CNTNAP2: variants seen among roughly 807,000 people sequenced by gnomAD.
CNTNAP2 encodes contactin-associated protein-like 2.
In CNTNAP2, 98 loss-of-function variants were observed where a neutral mutation model predicts 155.2. The observed-to-expected ratio is 0.63, with a 90% CI of 0.54 to 0.75. The LOEUF (loss-of-function observed/expected upper bound fraction) is 0.75, where lower values mean the gene tolerates loss of function less well. Among genes scored for constraint, CNTNAP2 ranks in the 30% least tolerant of loss-of-function variants. CNTNAP2 has a pLI of 0.00. For synonymous variants in CNTNAP2, 651 were observed against 631.2 expected (o/e 1.03, Z -0.47); for missense variants, 1,727 against 1,688.1 (o/e 1.02, Z -0.40).
At chr7:146,883,761 C>G (rs1795600687) in intron 3 of CNTNAP2, among the ~76,000 whole-genome samples, 1 of 152,046 alleles carries the variant, frequency 6.6e-6, no homozygotes, top group Admixed American at 6.6e-5. Flanking sequence ...TTGATCAAAA[C>G]ACTATTTTAG....
At chr7:147,887,740 G>A (rs1033193386) in intron 13 of CNTNAP2, among the ~76,000 whole-genome samples, 6 of 151,986 alleles carry the variant, frequency 3.9e-5, no homozygotes, top group African/African-American at 1.2e-4. Flanking sequence ...AAAATCCAGG[G>A]GGTTAGACTC....
chr7:147,236,195 G>A (rs1247490628), intron 8 of CNTNAP2, among the ~76,000 whole-genome samples: 4 of 152,152 alleles, frequency 2.6e-5, no homozygotes, highest in African/African-American at 7.2e-5. Context: ...CTGCAGGGAC[G>A]CTGTCTTCAC....
chr7:146,713,416 A>T lies in CNTNAP2; in HGVS notation c.98-60855A>T, dbSNP rs184168620. ...GTAGCTTGCTTCTTAATGGGAAATG[A>T]TTCAGCTTGTCCCCTTCTTTGTCAT... On this transcript the variant is annotated intron_variant, in intron 1 of 23. Transcript: ENST00000361727. Among the ~76,000 whole-genome samples the T allele has an allele frequency of 2.1e-3, 315 of 152,220 alleles. 2 individuals are homozygous for T. The highest frequency in any genetic ancestry group is 5.3e-3 in the African/African-American group (222 of 41,554).
intron 1 of CNTNAP2, among the ~76,000 whole-genome samples, chr7:146,680,906 T>C (rs911723266): frequency 1.3e-5 from 2 of 152,146 alleles, no homozygotes; most frequent in Non-Finnish European, 2.9e-5. Context: ...TGTGTGAAGG[T>C]GTTACAAGAG....
chr7:148,288,168 T>C (rs1219404913), intron 21 of CNTNAP2, among the ~76,000 whole-genome samples: 2 of 151,096 alleles, frequency 1.3e-5, no homozygotes, highest in Non-Finnish European at 2.9e-5. Context: ...GGCACAATCT[T>C]GGCTCACTGC....
intron 13 of CNTNAP2, among the ~76,000 whole-genome samples, chr7:147,821,339 T>G (rs951176882): frequency 1.1e-4 from 16 of 152,174 alleles, no homozygotes; most frequent in Non-Finnish European, 2.2e-4. Flanking sequence ...GCCTTGAAAT[T>G]TTTAATATCT....
chr7:146,793,808 T>G (rs904509911), intron 2 of CNTNAP2, among the ~76,000 whole-genome samples: 1 of 152,178 alleles, frequency 6.6e-6, no homozygotes, highest in Admixed American at 6.5e-5. Flanking sequence ...GAAGTATATG[T>G]TAGAGTTAAT....
intron 13 of CNTNAP2, among the ~76,000 whole-genome samples, chr7:147,864,668 G>A (rs951045859): frequency 2.0e-5 from 3 of 152,052 alleles, no homozygotes; most frequent in African/African-American, 7.2e-5. Flanking sequence ...GGATTCCTGG[G>A]TATTTTATTT....
At chr7:147,688,931 G>C (rs932377395) in intron 13 of CNTNAP2, among the ~76,000 whole-genome samples, 1 of 152,120 alleles carries the variant, frequency 6.6e-6, no homozygotes, top group Non-Finnish European at 1.5e-5. Context: ...ATACTACCAA[G>C]GGGTCACTCA....
intron 3 of CNTNAP2, among the ~76,000 whole-genome samples, chr7:147,013,778 A>C (rs1395875178): frequency 2.0e-5 from 3 of 152,098 alleles, no homozygotes; most frequent in African/African-American, 7.2e-5. Context: ...ATACAATTTG[A>C]GGTTCTTGAA....
intron 1 of CNTNAP2, among the ~76,000 whole-genome samples, chr7:146,710,470 CAG>C (rs1246284248): frequency 1.1e-4 from 17 of 152,246 alleles, no homozygotes; most frequent in Non-Finnish European, 4.4e-5. Flanking sequence ...TTCCTAGAAA[CAG>C]AGAAACTACC....
intron 1 of CNTNAP2, among the ~76,000 whole-genome samples, chr7:146,558,686 A>T (rs1348395313): frequency 6.6e-6 from 1 of 152,174 alleles, no homozygotes; most frequent in African/African-American, 2.4e-5. Context: ...CTCAAGGTGG[A>T]TACTGTATCT....
intron 3 of CNTNAP2, among the ~76,000 whole-genome samples, chr7:147,005,435 C>A (rs1798507610): frequency 6.6e-6 from 1 of 151,862 alleles, no homozygotes; most frequent in South Asian, 2.1e-4. Context: ...CTGGAATAGA[C>A]CCCTGCAACA....
At chr7:146,209,466 C>A (rs952443997) in intron 1 of CNTNAP2, among the ~76,000 whole-genome samples, 1 of 152,286 alleles carries the variant, frequency 6.6e-6, no homozygotes. Context: ...CCAGTTGAGG[C>A]CTCACCCAGC....
intron 1 of CNTNAP2, among the ~76,000 whole-genome samples, chr7:146,474,921 A>T (rs2129127321): frequency 6.6e-6 from 1 of 152,164 alleles, no homozygotes; most frequent in Non-Finnish European, 1.5e-5. Flanking sequence ...AGGTGTGGGT[A>T]ACTCACTTGT....
At chr7:148,209,467 C>A (rs940607604) in intron 18 of CNTNAP2, among the ~76,000 whole-genome samples, 3 of 152,046 alleles carry the variant, frequency 2.0e-5, no homozygotes, top group Non-Finnish European at 4.4e-5. Flanking sequence ...ATATCCCCAA[C>A]CCCACCAAGA....
chr7:148,267,172 T>A, intron 21 of CNTNAP2, 46 bp downstream of exon 21: 1 of 1,498,794 alleles, frequency 6.7e-7, no homozygotes. Flanking sequence ...ACAAATACAT[T>A]TGGGTAATGT....
chr7:147,226,548 C>G (rs1187302397), intron 8 of CNTNAP2, among the ~76,000 whole-genome samples: 1 of 150,016 alleles, frequency 6.7e-6, no homozygotes, highest in African/African-American at 2.5e-5. Flanking sequence ...AAAAAAAAAT[C>G]ATTAGAGGAA....
intron 15 of CNTNAP2, among the ~76,000 whole-genome samples, chr7:147,992,916 C>T (rs948665773): frequency 3.9e-5 from 6 of 152,208 alleles, no homozygotes; most frequent in African/African-American, 4.8e-5. Flanking sequence ...TTACCCTAAT[C>T]GATTTTGTTT....
Sources: allele counts gnomAD v4.1 joint callset (sites outside exome capture counted in the v4.1 genomes callset), GRCh38; gene constraint gnomAD v4.1.1; transcripts MANE v1.5; gene names NCBI Gene and HGNC (gene_info 2026-07-23, HGNC 2026-07-21).